The following UBN2 variants were observed in gnomAD, a reference collection of about 807,000 sequenced individuals.
UBN2 encodes ubinuclein 2.
UBN2 carries 35 observed loss-of-function variants against 120.2 expected under a neutral mutation model. That is an observed-to-expected ratio of 0.29 (90% CI 0.22 to 0.39). The LOEUF is 0.39. Ranked by LOEUF, UBN2 falls within the 10% of genes least tolerant of loss-of-function variation. The pLI is 1.00. For missense variants in UBN2, 1,693 were observed against 1,663.2 expected (o/e 1.02, Z -0.31); for synonymous variants, 661 against 648.7 (o/e 1.02, Z -0.29).
At position 139,231,788 on chromosome 7, in the gene UBN2, C is replaced by A; in HGVS notation, c.304C>A (p.Leu102Met). ...CGAGCCGCCGCCGCCGTTCCCGCCG[C>A]TGCCCTTGCAGCCGCCCCCGCCGCG... ...RPEPPPPFPP[L>M]PLQPPPPRES... Residue 102 changes from leucine to methionine, a missense_variant, in exon 1 of 18, where the codon CTG (leucine) becomes ATG (methionine). Leu to Met is a conservative substitution (Grantham distance 15). This residue lies in a region of UBN2 where 663 missense variants were observed against 591.2 expected (regional missense o/e 1.12). Transcript: ENST00000473989. 7.3e-7 allele frequency: 1 copy of A among 1,379,054 alleles called. No individual in the cohort carries two copies. Among genetic ancestry groups the A allele is most frequent in the South Asian group, 1.6e-5 (1 of 62,058 alleles). The allele number at this position is 1,379,054 out of a possible 1,614,324, so 85.4% of individuals were successfully genotyped here.
At chr7:139,268,978 G>A (rs879791070) in intron 7 of UBN2, among the ~76,000 whole-genome samples, 9 of 152,142 alleles carry the variant, frequency 5.9e-5, no homozygotes, top group African/African-American at 1.7e-4. Flanking sequence ...AGGCCAAGGC[G>A]GGTGGATCAT....
chr7:139,237,854 A>G (rs1334595109), intron 2 of UBN2, among the ~76,000 whole-genome samples: 1 of 152,064 alleles, frequency 6.6e-6, no homozygotes, highest in African/African-American at 2.4e-5. Flanking sequence ...TTGAGAGTGA[A>G]TGTGTGTACT....
In UBN2 at chr7:139,231,796, G is replaced by T. The variant is rs1392018458; in HGVS notation, c.312G>T (p.Leu104Phe). The T allele has an allele frequency of 2.1e-6, 3 of 1,409,070 alleles. No individual in the cohort carries two copies. The highest frequency in any genetic ancestry group is 5.4e-5 in the Admixed American group (2 of 36,958). 87.3% of individuals were successfully genotyped at this position (1,409,070 alleles called of 1,614,324 possible). Residue 104 changes from leucine to phenylalanine, a missense_variant, in exon 1 of 18, where the codon TTG becomes TTT. Coordinates refer to ENST00000473989, the MANE Select transcript of UBN2 (RefSeq NM_173569.4). Reference sequence around the variant, plus strand: ...CGCCGCCGTTCCCGCCGCTGCCCTTGCAGCCGCCCCCGCCGCGGGAGTCGG... The same window carrying T: ...CGCCGCCGTTCCCGCCGCTGCCCTTTCAGCCGCCCCCGCCGCGGGAGTCGG... ...EPPPPFPPLPLQPPPPRESAS... is the reference protein window; with the variant it reads ...EPPPPFPPLPFQPPPPRESAS...
chr7:139,267,808 G>C (rs189535725), intron 7 of UBN2, among the ~76,000 whole-genome samples: 1 of 152,248 alleles, frequency 6.6e-6, no homozygotes, highest in Non-Finnish European at 1.5e-5. Context: ...TCTGTTCCTA[G>C]TTACTTTAAC....
At position 139,298,142 on chromosome 7, in the gene UBN2, C is replaced by G; in HGVS notation, c.*306C>G. 1 of 274,116 alleles carries G rather than the reference C, an allele frequency of 3.6e-6. No homozygotes were observed. The highest frequency in any genetic ancestry group is 6.8e-6 in the Non-Finnish European group (1 of 146,444). The allele number at this position is 274,116 out of a possible 1,614,324, so 17.0% of individuals were successfully genotyped here. ...CCACAGAAATACAAATTTGATTTTT[C>G]CCGGGGGAGGAAGAAGGAAGTGAAG... On this transcript the variant is annotated 3_prime_UTR_variant, in exon 18 of 18. Coordinates refer to ENST00000473989, the MANE Select transcript of UBN2 (RefSeq NM_173569.4).
At chr7:139,288,610 G>GA (rs1381942120) in intron 15 of UBN2, among the ~76,000 whole-genome samples, 1 of 152,104 alleles carries the variant, frequency 6.6e-6, no homozygotes, top group African/African-American at 2.4e-5. Context: ...TTAAACAGGG[G>GA]ACTGATATGG....
rs989103936 is a variant in UBN2 at position 139,278,809 on chromosome 7, C to CT, written c.2025-501dup. 1.3e-3 allele frequency among the ~76,000 whole-genome samples: 204 copies of CT among 151,966 alleles called. 2 individuals carry two copies. The highest frequency in any genetic ancestry group is 4.7e-3 in the African/African-American group (194 of 41,472). On this transcript the variant is annotated intron_variant, in intron 12 of 17. Coordinates refer to ENST00000473989, the MANE Select transcript of UBN2 (RefSeq NM_173569.4). ...ACTTTGACTTACTATGGAACTTGTT[C>CT]TTTTTTTTCATCTTCAAACTTTTTC... is the stretch of plus-strand genomic sequence containing the variant.
intron 11 of UBN2, among the ~76,000 whole-genome samples, chr7:139,275,849 C>G (rs1797427809): frequency 6.6e-6 from 1 of 152,108 alleles, no homozygotes; most frequent in Admixed American, 6.5e-5. Context: ...GTGGCACACA[C>G]CTGTAATTCC....
In UBN2 at chr7:139,307,741, T is replaced by C. The variant is rs1798386131; in HGVS notation, c.*9905T>C. Reference sequence around the variant, plus strand: ...AGTCACGTTCTTCTTCCCACTGCCATCTTGCCTTTGCATTCTCAGTTCTAC... The same window carrying C: ...AGTCACGTTCTTCTTCCCACTGCCACCTTGCCTTTGCATTCTCAGTTCTAC... On this transcript the variant is annotated 3_prime_UTR_variant, in exon 18 of 18. Coordinates refer to ENST00000473989, the MANE Select transcript of UBN2 (RefSeq NM_173569.4). 1 of 152,218 alleles carries C rather than the reference T, an allele frequency of 6.6e-6. No homozygotes were observed. Among genetic ancestry groups the C allele is most frequent in the Non-Finnish European group, 1.5e-5 (1 of 68,042 alleles). The allele number at this position is 152,218 out of a possible 1,614,324, so 9.4% of individuals were successfully genotyped here. A position where few individuals can be genotyped will look rare whatever the true frequency, so the allele number is the denominator to read the frequency against.
chr7:139,245,801 A>C (rs1427508091), intron 2 of UBN2, among the ~76,000 whole-genome samples: 1 of 152,248 alleles, frequency 6.6e-6, no homozygotes, highest in African/African-American at 2.4e-5. Flanking sequence ...GCAGGAGACT[A>C]TCCCAGATGG....
rs1252857004 is a variant in UBN2 at position 139,307,201 on chromosome 7, CT to C, written c.*9366del. 1 of 152,158 alleles carries C rather than the reference CT, an allele frequency of 6.6e-6. No homozygotes were observed. Among genetic ancestry groups the C allele is most frequent in the East Asian group, 1.9e-4 (1 of 5,198 alleles). The allele number at this position is 152,158 out of a possible 1,614,324, so 9.4% of individuals were successfully genotyped here. A position where few individuals can be genotyped will look rare whatever the true frequency, so the allele number is the denominator to read the frequency against. ...AGGAGCCTAAAGAGTTGATGGTCCT[CT>C]AGGTGAAAGACAAGAATTACTGTAT... is the stretch of plus-strand genomic sequence containing the variant. On this transcript the variant is annotated 3_prime_UTR_variant, in exon 18 of 18. Coordinates refer to ENST00000473989, the MANE Select transcript of UBN2 (RefSeq NM_173569.4).
the UBN2 span, among the ~76,000 whole-genome samples, chr7:139,329,024 T>C: frequency 6.6e-6 from 1 of 151,758 alleles, no homozygotes; most frequent in Non-Finnish European, 1.5e-5. Flanking sequence ...GATGGGAGGA[T>C]CACTTGAGCC....
chr7:139,284,773 G>A (rs1797732702), intron 15 of UBN2, among the ~76,000 whole-genome samples, 199 bp downstream of exon 15: 1 of 151,938 alleles, frequency 6.6e-6, no homozygotes, highest in Non-Finnish European at 1.5e-5. Flanking sequence ...TTGGGATATG[G>A]ATTTTTTTTT....
chr7:139,269,581 G>T, intron 8 of UBN2, 58 bp downstream of exon 8: 3 of 1,578,588 alleles, frequency 1.9e-6, no homozygotes, highest in Non-Finnish European at 2.6e-6. Flanking sequence ...AAAGATACTT[G>T]TTTCTGTTTG....
At chr7:139,318,672 A>T in the UBN2 span, among the ~76,000 whole-genome samples, 9 of 151,912 alleles carry the variant, frequency 5.9e-5, no homozygotes, top group Non-Finnish European at 4.4e-5. Context: ...ATTTTTTTTT[A>T]AATTTGAGGC....
At chr7:139,318,022 C>T in the UBN2 span, among the ~76,000 whole-genome samples, 3 of 152,172 alleles carry the variant, frequency 2.0e-5, no homozygotes, top group African/African-American at 7.2e-5. Context: ...ATCAGTGTTT[C>T]CACTGGATTC....
At chr7:139,254,861 G>A (rs1393639214) in intron 3 of UBN2, among the ~76,000 whole-genome samples, 1 of 152,122 alleles carries the variant, frequency 6.6e-6, no homozygotes, top group East Asian at 1.9e-4. Flanking sequence ...CACCTTGCCC[G>A]CATGCACACA....
At position 139,299,988 on chromosome 7, in the gene UBN2, A is replaced by T. The variant is rs1197445451; in HGVS notation, c.*2152A>T. 6.6e-6 allele frequency: 1 copy of T among 152,170 alleles called. No homozygotes were observed. Among genetic ancestry groups the T allele is most frequent in the African/African-American group, 2.4e-5 (1 of 41,448 alleles). The allele number at this position is 152,170 out of a possible 1,614,324, so 9.4% of individuals were successfully genotyped here. A position where few individuals can be genotyped will look rare whatever the true frequency, so the allele number is the denominator to read the frequency against. On this transcript the variant is annotated 3_prime_UTR_variant, in exon 18 of 18. Transcript: ENST00000473989. ...TATGTTTGTCTGTATGTATATATAC[A>T]TACACACATACATTCATATAAATGA...
At chr7:139,291,583 G>A (rs1797960241) in intron 15 of UBN2, among the ~76,000 whole-genome samples, 1 of 152,132 alleles carries the variant, frequency 6.6e-6, no homozygotes, top group Admixed American at 6.5e-5. Context: ...AGGCATGGTG[G>A]CTTATGCCTA....
Sources: allele counts gnomAD v4.1 joint callset (sites outside exome capture counted in the v4.1 genomes callset), GRCh38; gene constraint gnomAD v4.1.1; regional missense constraint gnomAD v4.1.1; transcripts MANE v1.5; gene names NCBI Gene and HGNC (gene_info 2026-07-23, HGNC 2026-07-21).